IL5RA: variants seen among roughly 807,000 people sequenced by gnomAD.
The protein encoded by IL5RA is interleukin-5 receptor subunit alpha.
Under a neutral mutation model 50.0 loss-of-function variants are expected in IL5RA, and 49 were observed. That is an observed-to-expected ratio of 0.98 (90% CI 0.78 to 1.24). The LOEUF (loss-of-function observed/expected upper bound fraction) is 1.24, where lower values mean the gene tolerates loss of function less well. Among genes scored for constraint, IL5RA ranks in the 50% most tolerant of loss-of-function variants. The pLI, the probability that IL5RA is intolerant of heterozygous loss-of-function variation, is 0.00. For missense variants in IL5RA, 600 were observed against 500.4 expected (o/e 1.20, Z -1.90); for synonymous variants, 202 against 174.0 (o/e 1.16, Z -1.26).
At position 3,086,200 on chromosome 3, in the gene IL5RA, C is replaced by A. The variant is rs117870346; in HGVS notation, c.994+6024G>T. Among the ~76,000 whole-genome samples, 31 of 152,246 alleles carry A rather than the reference C, an allele frequency of 2.0e-4. No individual in the cohort carries two copies. The East Asian group carries it at 5.2e-3, about 26-fold the overall frequency. Reference sequence around the variant, plus strand: ...GGCCAGAAATAAGTGCAGGGTAGACCCACATAAGTCTCTTTTCCTCAAGCA... The same window carrying A: ...GGCCAGAAATAAGTGCAGGGTAGACACACATAAGTCTCTTTTCCTCAAGCA... On this transcript the variant is annotated intron_variant, in intron 9 of 11. Transcript: ENST00000446632.
At chr3:3,097,189 CA>C (rs1450629548) in intron 7 of IL5RA, among the ~76,000 whole-genome samples, 1 of 152,184 alleles carries the variant, frequency 6.6e-6, no homozygotes. Context: ...ACTGAGCAGA[CA>C]AAACCACGAA....
intron 8 of IL5RA, among the ~76,000 whole-genome samples, chr3:3,093,432 T>A (rs929808031): frequency 7.6e-4 from 115 of 152,224 alleles, no homozygotes; most frequent in African/African-American, 2.6e-3. Flanking sequence ...AAACACATGA[T>A]CAGTGAACTG....
chr3:3,088,857 G>C (rs1000525424), intron 9 of IL5RA, among the ~76,000 whole-genome samples: 1 of 152,152 alleles, frequency 6.6e-6, no homozygotes, highest in Non-Finnish European at 1.5e-5. Context: ...GTAACATAAA[G>C]CATTTTTAAA....
intron 9 of IL5RA, among the ~76,000 whole-genome samples, chr3:3,084,408 A>G (rs1283767470): frequency 1.3e-5 from 2 of 152,238 alleles, no homozygotes; most frequent in Admixed American, 6.5e-5. Context: ...GATACTGAGG[A>G]ACAGAAAAGG....
rs544630889 is a variant in IL5RA, at chr3:3,108,552, G to A, written c.-6C>T. 6.6e-6 allele frequency: 1 copy of A among 152,360 alleles called. No individual in the cohort carries two copies. Among genetic ancestry groups the A allele is most frequent in the South Asian group, 2.1e-4 (1 of 4,834 alleles). The allele number at this position is 152,360 out of a possible 1,614,324, so 9.4% of individuals were successfully genotyped here. ...CACATCCATGCTCCTGGGCGTACCT[G>A]TCTACAGACGATCCTCTTGTTCCGA... On this transcript the variant is annotated splice_region_variant and 5_prime_UTR_variant, in exon 2 of 12. Coordinates refer to ENST00000446632, the MANE Select transcript of IL5RA (RefSeq NM_175726.4).
intron 9 of IL5RA, among the ~76,000 whole-genome samples, chr3:3,085,336 G>C (rs1702810846): frequency 6.6e-6 from 1 of 152,234 alleles, no homozygotes; most frequent in Non-Finnish European, 1.5e-5. Context: ...AGTTTTGCAA[G>C]ATTATTTTGG....
chr3:3,093,551 ACACACACGTG>A (rs1275614482), intron 8 of IL5RA, among the ~76,000 whole-genome samples: 3 of 152,242 alleles, frequency 2.0e-5, no homozygotes, highest in African/African-American at 4.8e-5. Context: ...AAACACACGC[ACACACACGTG>A]CACACACAGT....
intron 9 of IL5RA, among the ~76,000 whole-genome samples, chr3:3,085,474 CAG>C (rs1222420579): frequency 6.6e-6 from 1 of 152,020 alleles, no homozygotes; most frequent in Non-Finnish European, 1.5e-5. Flanking sequence ...TCAGGAGAGA[CAG>C]AGAGAAGGGA....
chr3:3,085,570 GA>G (rs2125964181), intron 9 of IL5RA, among the ~76,000 whole-genome samples: 1 of 152,328 alleles, frequency 6.6e-6, no homozygotes, highest in Non-Finnish European at 1.5e-5. Flanking sequence ...ACTGGAAAAT[GA>G]AGATGCATTT....
At chr3:3,095,245 A>T in intron 8 of IL5RA, 54 bp downstream of exon 8, 1 of 1,413,342 alleles carries the variant, frequency 7.1e-7, no homozygotes, top group South Asian at 1.2e-5. Flanking sequence ...AATTTTTTAA[A>T]TGTTTCTAAA....
chr3:3,105,046 T>G (rs1575012309), intron 2 of IL5RA, 59 bp from the exon 3 acceptor site: 3 of 1,075,340 alleles, frequency 2.8e-6, no homozygotes, highest in African/African-American at 1.6e-5. Flanking sequence ...GAAAAACTGA[T>G]AGCTGCTTTC....
In IL5RA at chr3:3,069,286, A is replaced by G. The variant is rs1645655205; in HGVS notation, c.*939T>C. 1 of 152,250 alleles carries G rather than the reference A, an allele frequency of 6.6e-6. No homozygotes were observed. The highest frequency in any genetic ancestry group is 2.4e-5 in the African/African-American group (1 of 41,472). The allele number at this position is 152,250 out of a possible 1,614,324, so 9.4% of individuals were successfully genotyped here. On this transcript the variant is annotated 3_prime_UTR_variant, in exon 12 of 12. Transcript: ENST00000446632. ...ATGTTAGGAAGAAGAATTTCTGTGT[A>G]TATTGGGATATTTGATGGAATGGCC...
intron 11 of IL5RA, chr3:3,073,732 T>C (rs774448748): frequency 4.4e-5 from 19 of 436,276 alleles, no homozygotes; most frequent in Non-Finnish European, 1.4e-5. Context: ...CCAAATTAAC[T>C]GACAACTCAA....
Position 3,066,442 on chromosome 3 carries a change from A to T in IL5RA, c.*3783T>A, listed in dbSNP as rs1331818714. 1.3e-5 allele frequency: 2 copies of T among 152,204 alleles called. No homozygotes were observed. Among genetic ancestry groups the T allele is most frequent in the Non-Finnish European group, 2.9e-5 (2 of 68,034 alleles). The allele number at this position is 152,204 out of a possible 1,614,324, so 9.4% of individuals were successfully genotyped here. On this transcript the variant is annotated 3_prime_UTR_variant, in exon 12 of 12. Transcript: ENST00000446632. ...ATAGTACAATACAAAATTCCAAAGG[A>T]AGGAATGGTTTTGAAAAAATTTGCA...
At chr3:3,091,748 C>G (rs1377683324) in intron 9 of IL5RA, 1 of 156,396 alleles carries the variant, frequency 6.4e-6, no homozygotes, top group African/African-American at 2.4e-5. Flanking sequence ...AACAAAAAAA[C>G]AAACAAACAA....
intron 9 of IL5RA, among the ~76,000 whole-genome samples, chr3:3,086,924 T>C (rs1449442168): frequency 6.6e-6 from 1 of 152,178 alleles, no homozygotes; most frequent in Non-Finnish European, 1.5e-5. Context: ...GCAACTTGGA[T>C]GGAATTGGAG....
At chr3:3,079,076 AT>A (rs1181420568) in intron 9 of IL5RA, among the ~76,000 whole-genome samples, 1 of 151,948 alleles carries the variant, frequency 6.6e-6, no homozygotes, top group East Asian at 1.9e-4. Flanking sequence ...CCTTCTCCCC[AT>A]TTTAATTTCG....
chr3:3,091,075 A>G (rs772642022), intron 9 of IL5RA, among the ~76,000 whole-genome samples: 2 of 152,182 alleles, frequency 1.3e-5, no homozygotes, highest in Non-Finnish European at 2.9e-5. Context: ...TGATCGTAAC[A>G]TAAACAGTTG....
At chr3:3,093,505 CA>C (rs1234850061) in intron 8 of IL5RA, among the ~76,000 whole-genome samples, 1 of 152,178 alleles carries the variant, frequency 6.6e-6, no homozygotes, top group Non-Finnish European at 1.5e-5. Context: ...TTGTATTTGA[CA>C]AAAGCACCAA....
Sources: gnomAD v4.1 joint callset for allele counts (sites outside exome capture counted in the v4.1 genomes callset) on GRCh38, gnomAD v4.1.1 for gene constraint, MANE v1.5 for transcripts, NCBI Gene and HGNC (gene_info 2026-07-23, HGNC 2026-07-21) for gene names.